Variants in ZNF280D observed in about 807,000 individuals in gnomAD.
ZNF280D encodes suppressor of hairy wing homolog 4.
Under a neutral mutation model 94.7 loss-of-function variants are expected in ZNF280D, and 39 were observed. The ratio of observed to expected loss-of-function variants is 0.41; its 90% CI spans 0.32 to 0.54. ZNF280D has a LOEUF of 0.54. Ranked by LOEUF, ZNF280D falls within the 20% of genes least tolerant of loss-of-function variation. The pLI is 0.22. For missense variants in ZNF280D, 1,090 were observed against 1,149.3 expected (o/e 0.95, Z 0.75); for synonymous variants, 398 against 377.6 (o/e 1.05, Z -0.63).
chr15:56,705,256 A>C (rs1055519471), intron 3 of ZNF280D, among the ~76,000 whole-genome samples: 33 of 152,340 alleles, frequency 2.2e-4, no homozygotes, highest in Middle Eastern at 3.4e-3. Flanking sequence ...CTAATAATTA[A>C]AAATACTAAT....
chr15:56,666,929 T>C lies in ZNF280D; in HGVS notation c.1603A>G (p.Ile535Val). Residue 535 changes from isoleucine (I) to valine (V), a missense_variant, in exon 15 of 22, where the codon ATT becomes GTT. Coordinates refer to ENST00000267807, the MANE Select transcript of ZNF280D (RefSeq NM_017661.4). ...TGAAGGGTAGAAGCACTTGCACTAA[T>C]GGAAGGTGTAGGTGAAGCTCCTGAT... is the stretch of plus-strand genomic sequence containing the variant. ...LQSGASPTPSISASASTLQLS... is the reference protein window; with the variant it reads ...LQSGASPTPSVSASASTLQLS... 1.2e-6 allele frequency: 2 copies of C among 1,613,180 alleles called. No individual in the cohort carries two copies. Among genetic ancestry groups the C allele is most frequent in the South Asian group, 1.1e-5 (1 of 91,038 alleles).
Position 56,676,815 on chromosome 15 carries a change from A to C in ZNF280D, c.1265T>G (p.Val422Gly). 6.3e-7 allele frequency: 1 copy of C among 1,582,592 alleles called. No individual in the cohort carries two copies. The highest frequency in any genetic ancestry group is 8.6e-7 in the Non-Finnish European group (1 of 1,164,590). ...AAATGATGATGATCTATAATTACAA[A>C]CCTAAAAAAAGAAAGAAGGCTTAGT... is the stretch of plus-strand genomic sequence containing the variant. ...KPGEMPYVCQ[V>G]CNYRSSSFSD... Residue 422 changes from valine (V) to glycine (G), a missense_variant and splice_region_variant, in exon 13 of 22, where the codon GTT becomes GGT. By Grantham distance (109) the Val-to-Gly change is moderately radical (BLOSUM62 -3). Around this residue, in one of 3 missense-constraint regions of ZNF280D, gnomAD observed 127 missense variants for 208.6 expected, o/e 0.61. Coordinates refer to ENST00000267807, the MANE Select transcript of ZNF280D (RefSeq NM_017661.4).
Position 56,678,648 on chromosome 15 carries a change from T to C in ZNF280D, c.1162+16A>G, listed in dbSNP as rs369774864. Reference sequence around the variant, plus strand: ...AAATCAATAATATGGAATATTTAAATGTATTGGTAACTTACTAGAAAATTC... The same window carrying C: ...AAATCAATAATATGGAATATTTAAACGTATTGGTAACTTACTAGAAAATTC... On this transcript the variant is annotated intron_variant, in intron 11 of 21. Transcript: ENST00000267807. The C allele has an allele frequency of 2.2e-4, 345 of 1,550,692 alleles. No individual in the cohort carries two copies. Among genetic ancestry groups the C allele is most frequent in the Non-Finnish European group, 2.8e-4 (325 of 1,147,154 alleles).
chr15:56,715,658 G>A (rs1368893484), intron 1 of ZNF280D, among the ~76,000 whole-genome samples: 1 of 151,872 alleles, frequency 6.6e-6, no homozygotes, highest in African/African-American at 2.4e-5. Context: ...TAAATAAATG[G>A]AATGAAGCTT....
chr15:56,693,261 A>G (rs749891605), intron 6 of ZNF280D, 46 bp from the exon 7 acceptor site: 14 of 652,576 alleles, frequency 2.1e-5, no homozygotes, highest in Middle Eastern at 5.8e-4. Flanking sequence ...TTCAACAGTT[A>G]TAATTATTTC....
chr15:56,636,485 ATTTTTT>A (rs71113011), intron 20 of ZNF280D, among the ~76,000 whole-genome samples: 2 of 130,224 alleles, frequency 1.5e-5, no homozygotes, highest in Admixed American at 7.9e-5. Flanking sequence ...CTTCCTTCCT[ATTTTTT>A]TTTTTTTTTT....
intron 7 of ZNF280D, among the ~76,000 whole-genome samples, chr15:56,692,319 G>C (rs2056468289): frequency 6.6e-6 from 1 of 151,960 alleles, no homozygotes; most frequent in Non-Finnish European, 1.5e-5. Flanking sequence ...ACTGGGAGAG[G>C]GTTTGGTAAA....
Position 56,630,826 on chromosome 15 carries a change from A to C in ZNF280D, c.*672T>G, listed in dbSNP as rs1389008048. 6.6e-6 allele frequency: 1 copy of C among 152,210 alleles called. No individual in the cohort carries two copies. The highest frequency in any genetic ancestry group is 2.4e-5 in the African/African-American group (1 of 41,450). 9.4% of individuals were successfully genotyped at this position (152,210 alleles called of 1,614,324 possible). On this transcript the variant is annotated 3_prime_UTR_variant, in exon 22 of 22. Transcript: ENST00000267807. ...ATAATTCCACTTTCACTGAAAGTTT[A>C]ATTAAGGTAAGCTTACAGCCTGGCA...
intron 1 of ZNF280D, among the ~76,000 whole-genome samples, chr15:56,716,972 G>C (rs765982409): frequency 2.0e-5 from 3 of 152,064 alleles, no homozygotes; most frequent in Non-Finnish European, 4.4e-5. Context: ...CTCCATTGAG[G>C]ATGACTATAA....
intron 19 of ZNF280D, among the ~76,000 whole-genome samples, chr15:56,652,224 G>A (rs1248409725): frequency 2.0e-5 from 3 of 151,982 alleles, no homozygotes; most frequent in Non-Finnish European, 2.9e-5. Context: ...CATCTAAACC[G>A]GCTTTAACTG....
intron 1 of ZNF280D, among the ~76,000 whole-genome samples, chr15:56,725,600 A>G (rs1276826713): frequency 1.3e-5 from 2 of 152,160 alleles, no homozygotes; most frequent in Non-Finnish European, 2.9e-5. Context: ...CTTCACAGGA[A>G]AAGTATGTGG....
intron 9 of ZNF280D, among the ~76,000 whole-genome samples, chr15:56,683,708 A>T (rs2055800920): frequency 6.6e-6 from 1 of 152,148 alleles, no homozygotes. Flanking sequence ...TTTATAGTTA[A>T]ATAGGGCTTC....
At chr15:56,640,796 A>C (rs2052590360) in intron 20 of ZNF280D, among the ~76,000 whole-genome samples, 1 of 152,174 alleles carries the variant, frequency 6.6e-6, no homozygotes, top group South Asian at 2.1e-4. Context: ...GACTGCACTA[A>C]GCAAAATATG....
Position 56,666,698 on chromosome 15 carries a change from T to C in ZNF280D, c.1834A>G (p.Thr612Ala), listed in dbSNP as rs1410752603. 1 of 1,609,018 alleles carries C rather than the reference T, an allele frequency of 6.2e-7. No individual in the cohort carries two copies. The highest frequency in any genetic ancestry group is 1.1e-5 in the South Asian group (1 of 90,074). The change falls in exon 15 of 22, where the codon ACA (threonine) becomes GCA (alanine). Residue 612 changes from threonine to alanine, a missense_variant. Physicochemically the swap from Thr to Ala is moderately conservative, Grantham distance 58. Coordinates refer to ENST00000267807, the MANE Select transcript of ZNF280D (RefSeq NM_017661.4). The stretch of plus-strand genomic sequence containing the variant: ...GATTACCTTAAATTCCTCAATGCTG[T>C]ATTGACTTTACTTTTTTTATTGCTA... Reference protein sequence around the residue: ...ASSNKKSKVNTALRNLRYRRG... With the variant: ...ASSNKKSKVNAALRNLRYRRG...
chr15:56,658,050 T>C lies in ZNF280D; in HGVS notation c.2057+374A>G, dbSNP rs374171540. On this transcript the variant is annotated intron_variant, in intron 17 of 21. Coordinates refer to ENST00000267807, the MANE Select transcript of ZNF280D (RefSeq NM_017661.4). ...TGAAATATTGATACATGCTACAACA[T>C]AGATGAATTTTGAAAACATTATGCT... Among the ~76,000 whole-genome samples, 23 of 152,288 alleles carry C rather than the reference T, an allele frequency of 1.5e-4. No homozygotes were observed. In the East Asian group the frequency reaches 1.5e-3, roughly 10 times the overall value.
rs555483399 is a variant in ZNF280D, at chr15:56,691,677, T to C, written c.499+1421A>G. ...TTTCTCCAAACCCCCATAATCTCCCTAGATGGTAGTGTGTTAATCATGTTA... is the reference window on the plus strand; with the variant it reads ...TTTCTCCAAACCCCCATAATCTCCCCAGATGGTAGTGTGTTAATCATGTTA... On this transcript the variant is annotated intron_variant, in intron 7 of 21. Transcript: ENST00000267807. 4.3e-4 allele frequency among the ~76,000 whole-genome samples: 66 copies of C among 152,278 alleles called. No individual in the cohort carries two copies. In the East Asian group the frequency reaches 5.0e-3, roughly 12 times the overall value.
At chr15:56,712,028 T>C (rs1240016885) in intron 1 of ZNF280D, among the ~76,000 whole-genome samples, 1 of 152,242 alleles carries the variant, frequency 6.6e-6, no homozygotes, top group Admixed American at 6.5e-5. Flanking sequence ...CCGTATTATA[T>C]AATGCAGTCT....
intron 1 of ZNF280D, among the ~76,000 whole-genome samples, chr15:56,713,944 C>A (rs1015434458): frequency 6.6e-6 from 1 of 151,708 alleles, no homozygotes; most frequent in East Asian, 1.9e-4. Flanking sequence ...AAATCATAAG[C>A]GATAAACAAT....
In ZNF280D at chr15:56,682,352, A is replaced by G. The variant is rs1338002600; in HGVS notation, c.906T>C (p.Phe302=). Residue 302 remains phenylalanine (F), a synonymous_variant, in exon 10 of 22, where the codon TTT becomes TTC. Coordinates refer to ENST00000267807, the MANE Select transcript of ZNF280D (RefSeq NM_017661.4). ...CATCTCCTTCATGTTTTCCATAATAAAAGTCATTAACTAACATGATCAATT... is the reference window on the plus strand; with the variant it reads ...CATCTCCTTCATGTTTTCCATAATAGAAGTCATTAACTAACATGATCAATT... ...KGKLIMLVND[F]YYGKHEGDVQ... 1 of 1,601,124 alleles carries G rather than the reference A, an allele frequency of 6.2e-7. No homozygotes were observed. Among genetic ancestry groups the G allele is most frequent in the South Asian group, 1.1e-5 (1 of 87,706 alleles).
Sources: allele counts gnomAD v4.1 joint callset (sites outside exome capture counted in the v4.1 genomes callset), GRCh38; gene constraint gnomAD v4.1.1; regional missense constraint gnomAD v4.1.1; transcripts MANE v1.5; gene names NCBI Gene and HGNC (gene_info 2026-07-23, HGNC 2026-07-21).